UHRF1: variants seen among roughly 807,000 people sequenced by gnomAD.
The protein encoded by UHRF1 is E3 ubiquitin-protein ligase UHRF1.
A neutral mutation model predicts 96.5 loss-of-function variants in UHRF1; 9 were observed. That is an observed-to-expected ratio of 0.09 (90% CI 0.06 to 0.16). The LOEUF (loss-of-function observed/expected upper bound fraction) is 0.16. UHRF1 is among the 10% of genes least tolerant of loss of function. The pLI is 1.00. For synonymous variants in UHRF1, 455 were observed against 469.9 expected, an observed-to-expected ratio of 0.97 and a Z score of 0.41; for missense variants, 626 against 1,131.1, an observed-to-expected ratio of 0.55 and a Z score of 6.40.
chr19:4,941,650 C>A, intron 6 of UHRF1, 22 bp downstream of exon 6: 1 of 1,607,118 alleles, frequency 6.2e-7, no homozygotes, highest in South Asian at 1.1e-5. Flanking sequence ...GCCAGCCTTT[C>A]CCCATCTTCC....
chr19:4,909,586 C>T lies in UHRF1; in HGVS notation c.-80C>T. The T allele has an allele frequency of 1.5e-6, 1 of 652,090 alleles. No homozygotes were observed. The highest frequency in any genetic ancestry group is 2.8e-6 in the Non-Finnish European group (1 of 363,320). 40.4% of individuals were successfully genotyped at this position (652,090 alleles called of 1,614,324 possible). On this transcript the variant is annotated 5_prime_UTR_variant, in exon 1 of 17. It adds an upstream start codon to the 5' untranslated region. Coordinates refer to ENST00000650932, the MANE Select transcript of UHRF1 (RefSeq NM_001048201.3). ...GTCCGCGCGGGGTCCGGGCCACGCA[C>T]GCGGTTTCATCGCCATCCCCAGCCG...
chr19:4,935,251 A>G (rs2146342973), intron 5 of UHRF1, among the ~76,000 whole-genome samples: 1 of 152,212 alleles, frequency 6.6e-6, no homozygotes, highest in Middle Eastern at 3.4e-3. Context: ...TACAGGCGTG[A>G]GCCACCGCAC....
Position 4,961,982 on chromosome 19 carries a change from A to T in UHRF1, c.*1179A>T, listed in dbSNP as rs2033998055. On this transcript the variant is annotated 3_prime_UTR_variant, in exon 17 of 17. Transcript: ENST00000650932. The stretch of plus-strand genomic sequence containing the variant: ...ATAAAACAGGGATATTTTAAATCAC[A>T]TACCTGCAGACAAACTGGAGCAATG... 6.6e-6 allele frequency: 1 copy of T among 152,270 alleles called. No homozygotes were observed. The highest frequency in any genetic ancestry group is 6.5e-5 in the Admixed American group (1 of 15,272). 9.4% of individuals were successfully genotyped at this position (152,270 alleles called of 1,614,324 possible). A position where few individuals can be genotyped will look rare whatever the true frequency, so the allele number is the denominator to read the frequency against.
intron 11 of UHRF1, among the ~76,000 whole-genome samples, chr19:4,948,309 G>A (rs1180535530): frequency 2.0e-5 from 3 of 152,100 alleles, no homozygotes; most frequent in Non-Finnish European, 4.4e-5. Context: ...CTGATTACAG[G>A]ATGGGGGCGG....
chr19:4,944,315 T>C (rs957910919), intron 8 of UHRF1, 28 bp from the exon 9 acceptor site: 1 of 1,613,968 alleles, frequency 6.2e-7, no homozygotes, highest in Admixed American at 1.7e-5. Flanking sequence ...GCTCACGCTG[T>C]TGTTCTTTGT....
chr19:4,942,096 G>A (rs1287803107), intron 7 of UHRF1, among the ~76,000 whole-genome samples, 165 bp downstream of exon 7: 1 of 152,234 alleles, frequency 6.6e-6, no homozygotes, highest in African/African-American at 2.4e-5. Context: ...AGGAGTTCAA[G>A]AGCAGCCTGG....
chr19:4,960,498 G>C (rs955489058), intron 16 of UHRF1, among the ~76,000 whole-genome samples, 159 bp from the exon 17 acceptor site: 6 of 152,190 alleles, frequency 3.9e-5, no homozygotes, highest in Admixed American at 3.3e-4. Context: ...GGGCCCCTAG[G>C]GGGGCCAGGC....
chr19:4,939,987 G>A lies in UHRF1; in HGVS notation c.786-1541G>A, dbSNP rs561084377. Among the ~76,000 whole-genome samples, 180 of 147,716 alleles carry A rather than the reference G, an allele frequency of 1.2e-3. 3 individuals are homozygous for A. The highest frequency in any genetic ancestry group is 0.011 in the Middle Eastern group (3 of 278). The stretch of plus-strand genomic sequence containing the variant: ...TGCAGTGAGCCGAGATCGTGCCACT[G>A]CACTCCAGCCTGGGCGACAGAGCGA... On this transcript the variant is annotated intron_variant, in intron 5 of 16. Coordinates refer to ENST00000650932, the MANE Select transcript of UHRF1 (RefSeq NM_001048201.3).
intron 7 of UHRF1, 74 bp downstream of exon 7, chr19:4,942,005 A>G: frequency 7.2e-7 from 1 of 1,394,604 alleles, no homozygotes; most frequent in Admixed American, 3.3e-5. Flanking sequence ...CTGAGGAGAT[A>G]CAGGAGAGGG....
At chr19:4,939,699 C>T (rs898584427) in intron 5 of UHRF1, among the ~76,000 whole-genome samples, 1 of 152,032 alleles carries the variant, frequency 6.6e-6, no homozygotes, top group East Asian at 1.9e-4. Flanking sequence ...TGAAATGTGG[C>T]CAGGAGGAAC....
chr19:4,956,044 C>T (rs1337822373), intron 15 of UHRF1, among the ~76,000 whole-genome samples: 1 of 152,108 alleles, frequency 6.6e-6, no homozygotes, highest in Admixed American at 6.5e-5. Flanking sequence ...AAGTGAGTCT[C>T]CTGTCTCAGC....
chr19:4,933,957 TTGTGTGTGTGTGTGCGTGTGTGTG>T (rs1273084259), intron 5 of UHRF1, among the ~76,000 whole-genome samples: 3 of 97,706 alleles, frequency 3.1e-5, no homozygotes, highest in Admixed American at 1.2e-4. Flanking sequence ...CCTTGCCTCT[TTGTGTGTGTGTGTGCGTGTGTGTG>T]TGTGTGTGTG....
Position 4,954,220 on chromosome 19 carries a change from G to A in UHRF1, c.1819-130G>A. Reference sequence around the variant, plus strand: ...AAACTAGATAAGGGAGGACTACCCTGTGCTCTTCAGGGGGATTGGGGGTCA... The same window carrying A: ...AAACTAGATAAGGGAGGACTACCCTATGCTCTTCAGGGGGATTGGGGGTCA... On this transcript the variant is annotated intron_variant, in intron 13 of 16. Coordinates refer to ENST00000650932, the MANE Select transcript of UHRF1 (RefSeq NM_001048201.3). The surrounding 1 kb of genome is among the most constrained non-coding windows in gnomAD (Gnocchi z 5.9). 7.3e-7 allele frequency: 1 copy of A among 1,378,644 alleles called. No homozygotes were observed. The highest frequency in any genetic ancestry group is 9.8e-7 in the Non-Finnish European group (1 of 1,015,390). 85.4% of individuals were successfully genotyped at this position (1,378,644 alleles called of 1,614,324 possible).
At chr19:4,947,313 C>A (rs556592318) in intron 11 of UHRF1, 102 bp downstream of exon 11, 2 of 1,059,382 alleles carry the variant, frequency 1.9e-6, no homozygotes, top group East Asian at 2.5e-5. Context: ...TCATTAGGAG[C>A]GTGGTAGAAC....
chr19:4,952,590 G>A (rs949305412), intron 13 of UHRF1, among the ~76,000 whole-genome samples: 7 of 150,032 alleles, frequency 4.7e-5, no homozygotes, highest in African/African-American at 1.2e-4. Flanking sequence ...ACGGGGTTTC[G>A]CCATGTTGGC....
intron 2 of UHRF1, among the ~76,000 whole-genome samples, chr19:4,927,167 C>T (rs995182112): frequency 2.0e-4 from 30 of 151,902 alleles, no homozygotes; most frequent in Admixed American, 5.3e-4. Flanking sequence ...ATCCCTTCAG[C>T]GTAGGAGTTC....
At chr19:4,913,740 T>C (rs1396304702) in intron 2 of UHRF1, among the ~76,000 whole-genome samples, 1 of 151,898 alleles carries the variant, frequency 6.6e-6, no homozygotes, top group Non-Finnish European at 1.5e-5. Context: ...AAAGATTCAG[T>C]GTTCCTGTGT....
chr19:4,915,483 G>A (rs1291640437), intron 2 of UHRF1, among the ~76,000 whole-genome samples: 1 of 152,228 alleles, frequency 6.6e-6, no homozygotes, highest in Non-Finnish European at 1.5e-5. Context: ...GGAGGCCAAG[G>A]CAGGCGGATC....
Position 4,943,930 on chromosome 19 carries a change from C to T in UHRF1, c.1074-202C>T, listed in dbSNP as rs573946333. Among the ~76,000 whole-genome samples, 23 of 152,266 alleles carry T rather than the reference C, an allele frequency of 1.5e-4. 1 individual carries two copies. The highest frequency in any genetic ancestry group is 4.6e-4 in the Admixed American group (7 of 15,290). ...CCTCCCAAAGTGCTGGGATTACAGGCGTGAGCCACTGTGCCTGGCTTAGTT... is the reference window on the plus strand; with the variant it reads ...CCTCCCAAAGTGCTGGGATTACAGGTGTGAGCCACTGTGCCTGGCTTAGTT... On this transcript the variant is annotated intron_variant, in intron 7 of 16. Transcript: ENST00000650932.
Sources: gnomAD v4.1 joint callset for allele counts (sites outside exome capture counted in the v4.1 genomes callset) on GRCh38, gnomAD v4.1.1 for gene constraint, Gnocchi (gnomAD v3.1) non-coding constraint, MANE v1.5 for transcripts, NCBI Gene and HGNC (gene_info 2026-07-23, HGNC 2026-07-21) for gene names.